Variants in TECRL observed in about 807,000 individuals in gnomAD.
The protein encoded by TECRL is trans-2,3-enoyl-CoA reductase-like.
A neutral mutation model predicts 52.8 loss-of-function variants in TECRL; 63 were observed. The observed-to-expected ratio is 1.19, with a 90% CI of 0.97 to 1.47. TECRL has a LOEUF of 1.47. Among genes scored for constraint, TECRL ranks in the 40% most tolerant of loss-of-function variants. The pLI is 0.00. For missense variants in TECRL, 482 were observed against 429.6 expected (o/e 1.12, Z -1.08); for synonymous variants, 164 against 141.9 (o/e 1.16, Z -1.10).
intron 4 of TECRL, among the ~76,000 whole-genome samples, chr4:64,319,777 C>A (rs1349739512): frequency 2.6e-5 from 4 of 151,768 alleles, no homozygotes; most frequent in African/African-American, 4.8e-5. Context: ...TGTAAAGGAA[C>A]CAATTATTGA....
At chr4:64,280,587 G>A (rs28733362) in intron 11 of TECRL, among the ~76,000 whole-genome samples, 5,236 of 152,100 alleles carry the variant, frequency 0.034, 152 homozygotes, top group African/African-American at 0.084. Context: ...ATAACAAAAT[G>A]GATAAAATGG....
intron 5 of TECRL, among the ~76,000 whole-genome samples, chr4:64,312,369 G>T (rs1029395060): frequency 6.6e-6 from 1 of 152,026 alleles, no homozygotes; most frequent in African/African-American, 2.4e-5. Context: ...TATCTGCTGT[G>T]GAATTACTTT....
At chr4:64,396,044 G>C (rs1237564028) in intron 1 of TECRL, among the ~76,000 whole-genome samples, 1 of 152,040 alleles carries the variant, frequency 6.6e-6, no homozygotes, top group Non-Finnish European at 1.5e-5. Context: ...TGGTATACAT[G>C]TATCATGTTG....
chr4:64,372,209 A>G (rs1722025535), intron 2 of TECRL, among the ~76,000 whole-genome samples: 1 of 151,814 alleles, frequency 6.6e-6, no homozygotes, highest in African/African-American at 2.4e-5. Context: ...AACAATAATT[A>G]CAAGTGTTAA....
intron 10 of TECRL, 100 bp from the exon 11 acceptor site, chr4:64,281,186 A>C (rs1577790736): frequency 1.3e-6 from 1 of 758,758 alleles, no homozygotes; most frequent in East Asian, 2.9e-5. Flanking sequence ...AAATATTAGA[A>C]AACTTATAGA....
chr4:64,311,882 G>C (rs1429818980), intron 5 of TECRL, among the ~76,000 whole-genome samples: 1 of 152,072 alleles, frequency 6.6e-6, no homozygotes, highest in Non-Finnish European at 1.5e-5. Context: ...AATCAAGTAA[G>C]GTTCAGGATA....
At chr4:64,293,730 A>G (rs1158712383) in intron 8 of TECRL, among the ~76,000 whole-genome samples, 1 of 151,992 alleles carries the variant, frequency 6.6e-6, no homozygotes, top group Non-Finnish European at 1.5e-5. Context: ...TGATGTATCA[A>G]TAGAACAAAA....
At chr4:64,375,896 T>C (rs2109683209) in intron 1 of TECRL, among the ~76,000 whole-genome samples, 1 of 152,048 alleles carries the variant, frequency 6.6e-6, no homozygotes, top group South Asian at 2.1e-4. Context: ...TCCATGCAAA[T>C]ACTTCAAGCC....
chr4:64,372,883 T>C (rs1219359664), intron 2 of TECRL, among the ~76,000 whole-genome samples: 2 of 151,506 alleles, frequency 1.3e-5, no homozygotes, highest in Non-Finnish European at 3.0e-5. Flanking sequence ...GCTTTGTAAG[T>C]ATATGATTAA....
At chr4:64,392,543 C>T (rs976769017) in intron 1 of TECRL, among the ~76,000 whole-genome samples, 11 of 151,824 alleles carry the variant, frequency 7.2e-5, no homozygotes, top group Non-Finnish European at 1.6e-4. Flanking sequence ...GAGCCCATTA[C>T]CTATCCCCAA....
chr4:64,279,898 T>A lies in TECRL; in HGVS notation c.*174A>T. On this transcript the variant is annotated 3_prime_UTR_variant, in exon 12 of 12. Transcript: ENST00000381210. ...TAATTGCATTTATAATTTATACTTT[T>A]TATTACCATGTGCATTTCTCTAAAT... 2.5e-6 allele frequency: 3 copies of A among 1,185,334 alleles called. No individual in the cohort carries two copies. Among genetic ancestry groups the A allele is most frequent in the Non-Finnish European group, 3.1e-6 (3 of 955,326 alleles). The allele number at this position is 1,185,334 out of a possible 1,614,324, so 73.4% of individuals were successfully genotyped here.
intron 1 of TECRL, among the ~76,000 whole-genome samples, chr4:64,375,520 T>C (rs1182093867): frequency 6.6e-6 from 1 of 151,944 alleles, no homozygotes; most frequent in East Asian, 1.9e-4. Flanking sequence ...AGTCAATGTA[T>C]TTTTCCACAT....
chr4:64,395,251 T>C (rs991718845), intron 1 of TECRL, among the ~76,000 whole-genome samples: 5 of 152,116 alleles, frequency 3.3e-5, no homozygotes, highest in East Asian at 1.9e-4. Flanking sequence ...CTGTAAATTA[T>C]GTATTTTACC....
intron 7 of TECRL, among the ~76,000 whole-genome samples, chr4:64,301,340 ATAAT>A (rs975607285): frequency 7.3e-5 from 11 of 151,140 alleles, no homozygotes; most frequent in African/African-American, 2.4e-4. Flanking sequence ...ATTTTGCCAT[ATAAT>A]TAAACATTCT....
At chr4:64,368,293 G>T (rs201798174) in intron 2 of TECRL, among the ~76,000 whole-genome samples, 3 of 4,014 alleles carry the variant, frequency 7.5e-4, no homozygotes, top group African/African-American at 8.5e-4. Flanking sequence ...TTCTTTTTTT[G>T]TTTGTTTGTT....
At chr4:64,401,244 C>T (rs1385183486) in intron 1 of TECRL, among the ~76,000 whole-genome samples, 1 of 152,236 alleles carries the variant, frequency 6.6e-6, no homozygotes, top group Non-Finnish European at 1.5e-5. Context: ...CAGGCCCTCT[C>T]TGATCAGCCC....
rs570263916 is a variant in TECRL at position 64,290,677 on chromosome 4, T to G, written c.775-910A>C. ...AGTTCTATGGACTTTAATTTCTGGA[T>G]GTTTCTCACAATAAATAACTGGTAT... On this transcript the variant is annotated intron_variant, in intron 8 of 11. Coordinates refer to ENST00000381210, the MANE Select transcript of TECRL (RefSeq NM_001010874.5). 1.1e-4 allele frequency among the ~76,000 whole-genome samples: 17 copies of G among 152,244 alleles called. No individual in the cohort carries two copies. In the East Asian group the frequency reaches 3.3e-3, roughly 29 times the overall value.
At chr4:64,388,724 A>G (rs933063183) in intron 1 of TECRL, among the ~76,000 whole-genome samples, 1 of 151,794 alleles carries the variant, frequency 6.6e-6, no homozygotes. Context: ...AGTTTTCCTC[A>G]TGCTGGTTAT....
At chr4:64,291,726 G>A (rs1723401321) in intron 8 of TECRL, among the ~76,000 whole-genome samples, 1 of 151,762 alleles carries the variant, frequency 6.6e-6, no homozygotes, top group Non-Finnish European at 1.5e-5. Flanking sequence ...TTTAGTTAGA[G>A]CCTGGATAGA....
Sources: allele counts gnomAD v4.1 joint callset (sites outside exome capture counted in the v4.1 genomes callset), GRCh38; gene constraint gnomAD v4.1.1; transcripts MANE v1.5; gene names NCBI Gene and HGNC (gene_info 2026-07-23, HGNC 2026-07-21).